The following NCOA1 variants were observed in gnomAD, a reference collection of about 807,000 sequenced individuals.
The protein encoded by NCOA1 is Hin-2 protein.
Under a neutral mutation model 150.9 loss-of-function variants are expected in NCOA1, and 35 were observed. The ratio of observed to expected loss-of-function variants is 0.23; its 90% CI spans 0.18 to 0.31. The LOEUF is 0.31. Among genes scored for constraint, NCOA1 ranks in the 10% least tolerant of loss-of-function variants. NCOA1 has a pLI of 1.00. For missense variants in NCOA1, 1,491 were observed against 1,749.3 expected (o/e 0.85, Z 2.63); for synonymous variants, 590 against 630.0 (o/e 0.94, Z 0.95).
intron 1 of NCOA1, among the ~76,000 whole-genome samples, chr2:24,506,571 C>T (rs948643100): frequency 2.0e-5 from 3 of 152,058 alleles, no homozygotes; most frequent in South Asian, 2.1e-4. Flanking sequence ...GGCTCACTTC[C>T]GTGGAGAGGT....
At chr2:24,552,321 T>TTATATATATTATATA (rs1553427490) in intron 1 of NCOA1, among the ~76,000 whole-genome samples, 1 of 30,584 alleles carries the variant, frequency 3.3e-5, no homozygotes, top group Admixed American at 5.7e-4. Flanking sequence ...TTCATATATA[T>TTATATATATTATATA]TATATATATA....
At chr2:24,715,486 G>A (rs926738163) in intron 14 of NCOA1, among the ~76,000 whole-genome samples, 4 of 152,090 alleles carry the variant, frequency 2.6e-5, no homozygotes, top group African/African-American at 9.7e-5. Flanking sequence ...TAAGTGTCCT[G>A]CATGTAGAAA....
At chr2:24,641,196 C>T (rs1006495880) in intron 3 of NCOA1, among the ~76,000 whole-genome samples, 1 of 151,340 alleles carries the variant, frequency 6.6e-6, no homozygotes, top group Non-Finnish European at 1.5e-5. Context: ...CATTGTAATA[C>T]TTTATGTAAA....
rs931915200 is a variant in NCOA1 at position 24,679,053 on chromosome 2, C to G, written c.355-3898C>G. Among the ~76,000 whole-genome samples, 14 of 152,182 alleles carry G rather than the reference C, an allele frequency of 9.2e-5. No individual in the cohort carries two copies. The East Asian group carries it at 2.3e-3, about 25-fold the overall frequency. ...TCCCGGAACTTTGTCCCATCACAGT[C>G]ACTTTGGTAGTCTCATTTAAAGCCA... On this transcript the variant is annotated intron_variant, in intron 7 of 22. Transcript: ENST00000348332.
At chr2:24,621,925 C>T (rs1447237438) in intron 3 of NCOA1, among the ~76,000 whole-genome samples, 3 of 152,164 alleles carry the variant, frequency 2.0e-5, no homozygotes, top group Non-Finnish European at 2.9e-5. Context: ...TAATGTTTGA[C>T]CGTATACTGT....
At chr2:24,638,068 C>G (rs1159824803) in intron 3 of NCOA1, among the ~76,000 whole-genome samples, 2 of 151,894 alleles carry the variant, frequency 1.3e-5, no homozygotes, top group East Asian at 1.9e-4. Flanking sequence ...TTCCTCCTAT[C>G]TAGCTATAAT....
At chr2:24,568,211 A>G (rs1356599736) in intron 2 of NCOA1, among the ~76,000 whole-genome samples, 3 of 152,194 alleles carry the variant, frequency 2.0e-5, no homozygotes, top group Non-Finnish European at 4.4e-5. Context: ...AGAATATGGG[A>G]TTTTGTTGTT....
chr2:24,600,523 G>T (rs149894568), intron 3 of NCOA1, among the ~76,000 whole-genome samples: 1 of 152,234 alleles, frequency 6.6e-6, no homozygotes. Flanking sequence ...AAATTATTAT[G>T]TTTTTTATTT....
At chr2:24,620,610 A>G (rs1572501444) in intron 3 of NCOA1, among the ~76,000 whole-genome samples, 1 of 152,334 alleles carries the variant, frequency 6.6e-6, no homozygotes, top group South Asian at 2.1e-4. Flanking sequence ...ACTGGTCTCA[A>G]AAACAAAACA....
chr2:24,531,543 G>A (rs1346865294), intron 1 of NCOA1, among the ~76,000 whole-genome samples: 1 of 152,076 alleles, frequency 6.6e-6, no homozygotes, highest in Non-Finnish European at 1.5e-5. Flanking sequence ...TGCCATGTTG[G>A]TTTGCTGCAC....
rs528198841 is a variant in NCOA1, at chr2:24,756,729, C to G, written c.3882-1244C>G. ...GGAAAGACAGAATTAATATCATTAT[C>G]CTTTAGATGTGCATATCTGTATCAA... On this transcript the variant is annotated intron_variant, in intron 20 of 22. Transcript: ENST00000348332. Among the ~76,000 whole-genome samples, 44 of 152,252 alleles carry G rather than the reference C, an allele frequency of 2.9e-4. No homozygotes were observed. In the South Asian group the frequency reaches 8.7e-3, roughly 30 times the overall value.
intron 8 of NCOA1, among the ~76,000 whole-genome samples, chr2:24,690,533 T>G (rs1387455147): frequency 6.7e-6 from 1 of 150,282 alleles, no homozygotes; most frequent in African/African-American, 2.4e-5. Flanking sequence ...ACACCTATAA[T>G]CCCAGCTACT....
At chr2:24,584,426 A>T (rs1667317791) in intron 2 of NCOA1, 50 bp from the exon 3 acceptor site, 1 of 152,154 alleles carries the variant, frequency 6.6e-6, no homozygotes, top group Non-Finnish European at 1.5e-5. Context: ...ATTTCATGTG[A>T]TTGATCCAAG....
chr2:24,510,971 A>G (rs574507510), intron 1 of NCOA1, among the ~76,000 whole-genome samples: 27 of 152,210 alleles, frequency 1.8e-4, no homozygotes, highest in Non-Finnish European at 3.4e-4. Context: ...TTCCTCAGAA[A>G]GAAATTCCGT....
chr2:24,706,878 A>G lies in NCOA1; in HGVS notation c.1408A>G (p.Asn470Asp), dbSNP rs747224955. Residue 470 changes from asparagine (N) to aspartate (D), a missense_variant, in exon 13 of 23, where the codon AAC becomes GAC. By Grantham distance (23) the Asn-to-Asp change is conservative (BLOSUM62 1). Transcript: ENST00000348332. ...ASSQSSNPSL[N>D]LNNSPMEGTG... ...TTCACAGAGCAGTAATCCCTCTTTA[A>G]ACCTCAATAATTCTCCTATGGAAGG... 5 of 1,614,164 alleles carry G rather than the reference A, an allele frequency of 3.1e-6. No individual in the cohort carries two copies. The South Asian group carries it at 5.5e-5, about 18-fold the overall frequency.
chr2:24,495,196 G>A (rs1192855414), intron 1 of NCOA1, among the ~76,000 whole-genome samples: 1 of 150,942 alleles, frequency 6.6e-6, no homozygotes, highest in Non-Finnish European at 1.5e-5. Flanking sequence ...TATTTCTGCA[G>A]GATACATGGC....
intron 3 of NCOA1, among the ~76,000 whole-genome samples, chr2:24,640,599 G>A (rs1227982469): frequency 6.6e-6 from 1 of 152,016 alleles, no homozygotes; most frequent in African/African-American, 2.4e-5. Context: ...CTTAAGCCTG[G>A]GAGCTCAAGA....
At position 24,592,081 on chromosome 2, in the gene NCOA1, G is replaced by A. The variant is rs967263085; in HGVS notation, c.-175+7521G>A. ...TCATACAGTGCCTGAAACATGATAG[G>A]TTCTCAAATGTGAAAGGAATGAATT... On this transcript the variant is annotated intron_variant, in intron 3 of 22. Transcript: ENST00000348332. 2.0e-5 allele frequency among the ~76,000 whole-genome samples: 3 copies of A among 152,098 alleles called. No individual in the cohort carries two copies. In the South Asian group the frequency reaches 6.2e-4, roughly 32 times the overall value.
chr2:24,573,820 A>G (rs756087678), intron 2 of NCOA1, among the ~76,000 whole-genome samples: 3 of 152,068 alleles, frequency 2.0e-5, no homozygotes, highest in Non-Finnish European at 4.4e-5. Context: ...CAAACAGGAG[A>G]TCAAATGTAC....
Sources: gnomAD v4.1 joint callset for allele counts (sites outside exome capture counted in the v4.1 genomes callset) on GRCh38, gnomAD v4.1.1 for gene constraint, MANE v1.5 for transcripts, NCBI Gene and HGNC (gene_info 2026-07-23, HGNC 2026-07-21) for gene names.